The following NET1 variants were observed in gnomAD, a reference collection of about 807,000 sequenced individuals.
The protein encoded by NET1 is neuroepithelial cell transforming 1.
NET1 carries 42 observed loss-of-function variants against 61.1 expected under a neutral mutation model. That is an observed-to-expected ratio of 0.69 (90% CI 0.54 to 0.89). NET1 has a LOEUF of 0.89. Among genes scored for constraint, NET1 ranks in the 40% least tolerant of loss-of-function variants. The pLI is 0.00. For missense variants in NET1, 654 were observed against 747.3 expected, an observed-to-expected ratio of 0.88 and a Z score of 1.46; for synonymous variants, 254 against 281.8, an observed-to-expected ratio of 0.90 and a Z score of 0.99.
In NET1 at chr10:5,455,101, C is replaced by T. The variant is rs141666952; in HGVS notation, c.1180C>T (p.Arg394Trp). 6.8e-6 allele frequency: 11 copies of T among 1,613,470 alleles called. No individual in the cohort carries two copies. Among genetic ancestry groups the T allele is most frequent in the South Asian group, 2.2e-5 (2 of 91,048 alleles). The change falls in exon 10 of 12, where the codon CGG becomes TGG. Residue 394 changes from arginine to tryptophan, a missense_variant. Arg to Trp is a moderately radical substitution (Grantham distance 101, BLOSUM62 -3). Coordinates refer to ENST00000355029, the MANE Select transcript of NET1 (RefSeq NM_001047160.3). This position sits in a 1 kb window ranked among gnomAD's most constrained non-coding sequence, Gnocchi z 6.5. ...SKVLLCHGEL[R>W]SKSGHKLYIF... is the part of the protein sequence containing the mutation. Reference sequence around the variant, plus strand: ...AGTGCTGCTGTGCCATGGGGAGCTGCGGAGCAAGAGTGGACATGTAGGTGA... The same window carrying T: ...AGTGCTGCTGTGCCATGGGGAGCTGTGGAGCAAGAGTGGACATGTAGGTGA...
rs1184598647 is a variant in NET1, at chr10:5,450,486, T to C, written c.256-1344T>C. On this transcript the variant is annotated intron_variant, in intron 3 of 11. Coordinates refer to ENST00000355029, the MANE Select transcript of NET1 (RefSeq NM_001047160.3). ...AATGGTCAATATAGTCTTCAGTTGT[T>C]TAAAGGCATTATTTTTACTCATTTT... Among the ~76,000 whole-genome samples the C allele has an allele frequency of 3.9e-5, 6 of 152,116 alleles. No individual in the cohort carries two copies. In the East Asian group the frequency reaches 9.6e-4, roughly 24 times the overall value.
rs1054509205 is a variant in NET1 at position 5,412,661 on chromosome 10, C to G, written c.-32C>G. 6.9e-7 allele frequency: 1 copy of G among 1,453,250 alleles called. No individual in the cohort carries two copies. The highest frequency in any genetic ancestry group is 1.5e-5 in the African/African-American group (1 of 66,934). 90.0% of individuals were successfully genotyped at this position (1,453,250 alleles called of 1,614,324 possible). On this transcript the variant is annotated 5_prime_UTR_variant, in exon 1 of 12. Transcript: ENST00000355029. The surrounding 1 kb of genome is among the most constrained non-coding windows in gnomAD (Gnocchi z 6.5). ...CCCGTCCCTGCCGGTCTCCCGGGCA[C>G]CCGGCCACCGCCCCACCCCCTCCTC...
At position 5,431,416 on chromosome 10, in the gene NET1, C is replaced by A. The variant is rs1564461148; in HGVS notation, c.255+2187C>A. Among the ~76,000 whole-genome samples the A allele has an allele frequency of 2.0e-5, 3 of 151,648 alleles. No homozygotes were observed. On this transcript the variant is annotated intron_variant, in intron 3 of 11. Coordinates refer to ENST00000355029, the MANE Select transcript of NET1 (RefSeq NM_001047160.3). This position sits in a 1 kb window ranked among gnomAD's most constrained non-coding sequence, Gnocchi z 4.9. ...GTGGGTTTTTTGGGCCATGTACTTA[C>A]CTCAAAAAGTATGTAATGCCTTTCT... is the stretch of plus-strand genomic sequence containing the variant.
Position 5,453,653 on chromosome 10 carries a change from C to A in NET1, c.768+93C>A. 9.2e-7 allele frequency: 1 copy of A among 1,083,160 alleles called. No homozygotes were observed. The highest frequency in any genetic ancestry group is 1.4e-6 in the Non-Finnish European group (1 of 699,370). 67.1% of individuals were successfully genotyped at this position (1,083,160 alleles called of 1,614,324 possible). ...ATATGAGACAGATTTGATCCCACAA[C>A]TCTGTTCTACAAACACATAAGGCGT... On this transcript the variant is annotated intron_variant, in intron 8 of 11. Coordinates refer to ENST00000355029, the MANE Select transcript of NET1 (RefSeq NM_001047160.3). The surrounding 1 kb of genome is among the most constrained non-coding windows in gnomAD (Gnocchi z 4.9).
In NET1 at chr10:5,435,577, G is replaced by A. The variant is rs547756925; in HGVS notation, c.255+6348G>A. 3.7e-4 allele frequency among the ~76,000 whole-genome samples: 56 copies of A among 151,866 alleles called. No homozygotes were observed. Among genetic ancestry groups the A allele is most frequent in the Admixed American group, 5.9e-4 (9 of 15,260 alleles). On this transcript the variant is annotated intron_variant, in intron 3 of 11. Coordinates refer to ENST00000355029, the MANE Select transcript of NET1 (RefSeq NM_001047160.3). The surrounding 1 kb of genome is among the most constrained non-coding windows in gnomAD (Gnocchi z 5.0). Reference sequence around the variant, plus strand: ...GATAGATAGATAAAATAGATACTCCGTAAATATTGAATTAATGAATGAAAT... The same window carrying A: ...GATAGATAGATAAAATAGATACTCCATAAATATTGAATTAATGAATGAAAT...
At chr10:5,436,712 T>C (rs1347242610) in intron 3 of NET1, among the ~76,000 whole-genome samples, 1 of 152,182 alleles carries the variant, frequency 6.6e-6, no homozygotes, top group Non-Finnish European at 1.5e-5. Flanking sequence ...AATACCACTT[T>C]TGAGAAACAA....
rs1045576949 is a variant in NET1, at chr10:5,453,369, C to T, written c.691+23C>T. 1 of 1,578,536 alleles carries T rather than the reference C, an allele frequency of 6.3e-7. No homozygotes were observed. The highest frequency in any genetic ancestry group is 8.7e-7 in the Non-Finnish European group (1 of 1,147,580). On this transcript the variant is annotated intron_variant, in intron 7 of 11. Transcript: ENST00000355029. This position sits in a 1 kb window ranked among gnomAD's most constrained non-coding sequence, Gnocchi z 4.9. ...AAGGTTAGATGTGCCACTTAATTGT[C>T]ATTAAATCTAAAGAGCAGCGGTGCA...
rs1243337256 is a variant in NET1, at chr10:5,440,667, T to C, written c.256-11163T>C. ...GACTCCCACTTAGCTATTCCCACCA[T>C]GGTGCTGAGAACATTATGAAAGTTC... is the stretch of plus-strand genomic sequence containing the variant. On this transcript the variant is annotated intron_variant, in intron 3 of 11. Transcript: ENST00000355029. This position sits in a 1 kb window ranked among gnomAD's most constrained non-coding sequence, Gnocchi z 4.1. Among the ~76,000 whole-genome samples, 1 of 152,234 alleles carries C rather than the reference T, an allele frequency of 6.6e-6. No individual in the cohort carries two copies. Among genetic ancestry groups the C allele is most frequent in the Non-Finnish European group, 1.5e-5 (1 of 68,048 alleles).
rs970194671 is a variant in NET1, at chr10:5,426,939, T to G, written c.195+218T>G. 6.6e-6 allele frequency among the ~76,000 whole-genome samples: 1 copy of G among 152,218 alleles called. No individual in the cohort carries two copies. Among genetic ancestry groups the G allele is most frequent in the Non-Finnish European group, 1.5e-5 (1 of 68,018 alleles). ...ATATAAAACATATTTTGCAAAGTAC[T>G]CACATCTATTAATCTTTAACTCTAT... On this transcript the variant is annotated intron_variant, in intron 2 of 11. Coordinates refer to ENST00000355029, the MANE Select transcript of NET1 (RefSeq NM_001047160.3). The surrounding 1 kb of genome is among the most constrained non-coding windows in gnomAD (Gnocchi z 4.6).
At position 5,437,546 on chromosome 10, in the gene NET1, G is replaced by A. The variant is rs1273541634; in HGVS notation, c.255+8317G>A. ...ATAGATGTTTAGAAGTGGGTTGCAA[G>A]TTTTAGTTTTGTTAATATTGTCTAT... is the stretch of plus-strand genomic sequence containing the variant. On this transcript the variant is annotated intron_variant, in intron 3 of 11. Transcript: ENST00000355029. This position sits in a 1 kb window ranked among gnomAD's most constrained non-coding sequence, Gnocchi z 4.3. 6.6e-6 allele frequency among the ~76,000 whole-genome samples: 1 copy of A among 152,070 alleles called. No individual in the cohort carries two copies. Among genetic ancestry groups the A allele is most frequent in the African/African-American group, 2.4e-5 (1 of 41,430 alleles).
intron 1 of NET1, among the ~76,000 whole-genome samples, chr10:5,419,110 T>C (rs4540747): frequency 0.97 from 147,593 of 152,168 alleles, 71,695 homozygotes; most frequent in Non-Finnish European, 1. Context: ...TGGATCAATC[T>C]GTTTATCACT....
In NET1 at chr10:5,415,661, G is replaced by C. The variant is rs1388465030; in HGVS notation, c.128+2841G>C. Among the ~76,000 whole-genome samples, 2 of 152,072 alleles carry C rather than the reference G, an allele frequency of 1.3e-5. No individual in the cohort carries two copies. Among genetic ancestry groups the C allele is most frequent in the Non-Finnish European group, 2.9e-5 (2 of 68,006 alleles). On this transcript the variant is annotated intron_variant, in intron 1 of 11. Transcript: ENST00000355029. The surrounding 1 kb of genome is among the most constrained non-coding windows in gnomAD (Gnocchi z 4.7). ...TCACCATGTTGGCTAGGCTGGTCTT[G>C]AACTCCTGACCTTGTGATTTGCCTG...
Position 5,455,967 on chromosome 10 carries a change from TAGAG to T in NET1, c.1198-116_1198-113del, listed in dbSNP as rs892559559. The T allele has an allele frequency of 3.9e-5, 39 of 1,003,996 alleles. No individual in the cohort carries two copies. Among genetic ancestry groups the T allele is most frequent in the African/African-American group, 1.3e-4 (8 of 61,928 alleles). The allele number at this position is 1,003,996 out of a possible 1,614,324, so 62.2% of individuals were successfully genotyped here. On this transcript the variant is annotated intron_variant, in intron 10 of 11. Coordinates refer to ENST00000355029, the MANE Select transcript of NET1 (RefSeq NM_001047160.3). This position sits in a 1 kb window ranked among gnomAD's most constrained non-coding sequence, Gnocchi z 6.5. ...TTTATGGATTACTAGATTTGTCACT[TAGAG>T]AGATCTTCGAAAAATAAATCTGATG...
rs1234452263 is a variant in NET1, at chr10:5,451,792, T to C, written c.256-38T>C. 2 of 1,514,452 alleles carry C rather than the reference T, an allele frequency of 1.3e-6. No homozygotes were observed. Among genetic ancestry groups the C allele is most frequent in the African/African-American group, 2.7e-5 (2 of 72,982 alleles). 93.8% of individuals were successfully genotyped at this position (1,514,452 alleles called of 1,614,324 possible). On this transcript the variant is annotated intron_variant, in intron 3 of 11. Coordinates refer to ENST00000355029, the MANE Select transcript of NET1 (RefSeq NM_001047160.3). The surrounding 1 kb of genome is among the most constrained non-coding windows in gnomAD (Gnocchi z 6.1). ...CAAGTTTGTATGAAATCATTGCACC[T>C]AGACATATATTTAGTGTCATCTGGT... is the stretch of plus-strand genomic sequence containing the variant.
chr10:5,419,298 T>G (rs1284295571), intron 1 of NET1, among the ~76,000 whole-genome samples: 1 of 141,934 alleles, frequency 7.0e-6, no homozygotes, highest in Non-Finnish European at 1.6e-5. Context: ...AGCATATAGT[T>G]GGATCTTGGT....
In NET1 at chr10:5,446,537, C is replaced by G. The variant is rs999622561; in HGVS notation, c.256-5293C>G. 1.8e-6 allele frequency: 2 copies of G among 1,133,108 alleles called. No individual in the cohort carries two copies. Among genetic ancestry groups the G allele is most frequent in the African/African-American group, 3.2e-5 (2 of 61,912 alleles). 70.2% of individuals were successfully genotyped at this position (1,133,108 alleles called of 1,614,324 possible). On this transcript the variant is annotated intron_variant, in intron 3 of 11. Transcript: ENST00000355029. This position sits in a 1 kb window ranked among gnomAD's most constrained non-coding sequence, Gnocchi z 5.0. ...ACTGAAGTCACGTGGTGGTGGACCC[C>G]GCCCCCAGGGCCCGGTTGGCTGTGG...
In NET1 at chr10:5,415,440, C is replaced by CTTTT. The variant is rs55784274; in HGVS notation, c.128+2629_128+2632dup. Among the ~76,000 whole-genome samples the CTTTT allele has an allele frequency of 2.7e-3, 388 of 145,006 alleles. 2 individuals are homozygous for CTTTT. The highest frequency in any genetic ancestry group is 2.9e-3 in the Non-Finnish European group (192 of 66,798). ...CATTTTTGGTGGGCCATCCTTTGCT[C>CTTTT]TTTTTTTTTTTTCTTTTGAGACGGA... On this transcript the variant is annotated intron_variant, in intron 1 of 11. Coordinates refer to ENST00000355029, the MANE Select transcript of NET1 (RefSeq NM_001047160.3). This position sits in a 1 kb window ranked among gnomAD's most constrained non-coding sequence, Gnocchi z 4.7.
rs1489567378 is a variant in NET1, at chr10:5,444,796, T to TC, written c.256-7032dup. Among the ~76,000 whole-genome samples the TC allele has an allele frequency of 2.0e-5, 3 of 152,202 alleles. No individual in the cohort carries two copies. Among genetic ancestry groups the TC allele is most frequent in the African/African-American group, 7.2e-5 (3 of 41,436 alleles). On this transcript the variant is annotated intron_variant, in intron 3 of 11. Transcript: ENST00000355029. This position sits in a 1 kb window ranked among gnomAD's most constrained non-coding sequence, Gnocchi z 5.3. ...GCCTCCAGCCTCTTTCAGGTTTTTG[T>TC]CCAACATTTCCAACTACCAGCAGAA...
Position 5,452,364 on chromosome 10 carries a change from AC to A in NET1, c.373del (p.Leu125PhefsTer40). The A allele has an allele frequency of 1.3e-6, 2 of 1,594,350 alleles. No homozygotes were observed. The highest frequency in any genetic ancestry group is 1.7e-6 in the Non-Finnish European group (2 of 1,169,792). On this transcript the variant is annotated frameshift_variant, in exon 5 of 12. Transcript: ENST00000355029. LOFTEE classifies it high-confidence loss of function. The surrounding 1 kb of genome is among the most constrained non-coding windows in gnomAD (Gnocchi z 4.0). Reference protein sequence around the residue: ...RRFGQTIQSFTLRGDHRSPAS... With the variant: ...RRFGQTIQSFXLRGDHRSPAS... ...TCACCTTTTCTTTTTTAAGTCATTT[AC>A]CCTTCGTGGTGACCACAGATCCCCA...
Sources: gnomAD v4.1 joint callset for allele counts (sites outside exome capture counted in the v4.1 genomes callset) on GRCh38, gnomAD v4.1.1 for gene constraint, Gnocchi (gnomAD v3.1) non-coding constraint, MANE v1.5 for transcripts, NCBI Gene and HGNC (gene_info 2026-07-23, HGNC 2026-07-21) for gene names.